Variants in KDM6B observed in about 807,000 individuals in gnomAD.
The protein encoded by KDM6B is lysine demethylase 6B, also known as lysine-specific demethylase 6B.
In KDM6B, 22 loss-of-function variants were observed where a neutral mutation model predicts 150.4. That is an observed-to-expected ratio of 0.15 (90% confidence interval 0.10 to 0.21). The LOEUF (loss-of-function observed/expected upper bound fraction) is 0.21. KDM6B is among the 10% of genes least tolerant of loss of function. The probability of loss-of-function intolerance (pLI) is 1.00; values close to 1 mark genes in which losing one functional copy is unlikely to be tolerated. For synonymous variants in KDM6B, 1,148 were observed against 921.1 expected, an observed-to-expected ratio of 1.25 and a Z score of -4.46; for missense variants, 1,984 against 2,234.3, an observed-to-expected ratio of 0.89 and a Z score of 2.26.
intron 14 of KDM6B, among the ~76,000 whole-genome samples, 185 bp downstream of exon 14, chr17:7,850,362 G>A (rs536464828): frequency 6.6e-6 from 1 of 152,282 alleles, no homozygotes; most frequent in Non-Finnish European, 1.5e-5. Flanking sequence ...AGGGAGAAGG[G>A]GCCATAGTCA....
rs752267810 is a variant in KDM6B at position 7,846,658 on chromosome 17, C to T, written c.629C>T (p.Pro210Leu). 8.7e-6 allele frequency: 14 copies of T among 1,614,022 alleles called. No homozygotes were observed. The African/African-American group carries it at 1.6e-4, about 18-fold the overall frequency. The change falls in exon 9 of 24, where the codon CCT becomes CTT. Residue 210 changes from proline (P) to leucine (L), a missense_variant. Around this residue, in one of 13 missense-constraint regions of KDM6B, gnomAD observed 337 missense variants for 323.9 expected, o/e 1.04. Transcript: ENST00000448097. ...AAEPPVVQPVPPAALSGPSGE... is the reference protein window; with the variant it reads ...AAEPPVVQPVLPAALSGPSGE... ...GAACCCCCAGTGGTGCAGCCTGTGC[C>T]TCCTGCAGCACTCTCAGGCCCCTCA...
At chr17:7,834,891 C>T (rs1216348739) in intron 1 of KDM6B, among the ~76,000 whole-genome samples, 1 of 152,098 alleles carries the variant, frequency 6.6e-6, no homozygotes, top group Non-Finnish European at 1.5e-5. Context: ...CCCTGCGCCT[C>T]CCTTTCACTC....
intron 1 of KDM6B, among the ~76,000 whole-genome samples, chr17:7,836,381 G>A (rs922715778): frequency 1.3e-5 from 2 of 152,170 alleles, no homozygotes. Context: ...TCCTCTCGCC[G>A]TGTCCTGGTT....
chr17:7,847,923 TCCC>T lies in KDM6B; in HGVS notation c.1638_1640del (p.Pro547del). The T allele has an allele frequency of 7.1e-7, 1 of 1,412,494 alleles. No individual in the cohort carries two copies. The highest frequency in any genetic ancestry group is 9.4e-7 in the Non-Finnish European group (1 of 1,066,450). The allele number at this position is 1,412,494 out of a possible 1,614,324, so 87.5% of individuals were successfully genotyped here. On this transcript the variant is annotated inframe_deletion, in exon 12 of 24. Coordinates refer to ENST00000448097, the MANE Select transcript of KDM6B (RefSeq NM_001348716.2). ...CTCAGGATTCTCACACCCCTCCCAC[TCCC>T]CCAACCCCAACCACCAGCAGTAGCA... is the stretch of plus-strand genomic sequence containing the variant.
chr17:7,849,230 A>G lies in KDM6B; in HGVS notation c.2942A>G (p.Lys981Arg), dbSNP rs2078638701. Residue 981 changes from lysine to arginine, a missense_variant, in exon 12 of 24, where the codon AAG (lysine) becomes AGG (arginine). Lys to Arg is a conservative substitution (Grantham distance 26). This residue lies in a region of KDM6B where 1,379 missense variants were observed against 1,275.6 expected (regional missense o/e 1.08). Coordinates refer to ENST00000448097, the MANE Select transcript of KDM6B (RefSeq NM_001348716.2). ...AAGCGGCGACAGAAGGAGCATCAGA[A>G]GGAGCATCGGCGGCACAGGCGGGCC... ...SCKRRQKEHQ[K>R]EHRRHRRACK... is the part of the protein sequence containing the mutation. The G allele has an allele frequency of 5.7e-6, 9 of 1,582,168 alleles. No individual in the cohort carries two copies. In the East Asian group the frequency reaches 1.9e-4, roughly 33 times the overall value.
intron 21 of KDM6B, 108 bp from the exon 22 acceptor site, chr17:7,852,892 G>T: frequency 1.4e-6 from 2 of 1,468,862 alleles, no homozygotes; most frequent in Non-Finnish European, 1.9e-6. Flanking sequence ...GAAGCGGGGA[G>T]GCCCCTAGGG....
rs1423768216 is a variant in KDM6B at position 7,851,007 on chromosome 17, G to T, written c.3674-14G>T. The T allele has an allele frequency of 6.3e-7, 1 of 1,588,380 alleles. No homozygotes were observed. ...TGCCTCTGCCCCGACACCCTGCTCGGCCCTCCCTTCCAGACTTGGGCCTCT... is the reference window on the plus strand; with the variant it reads ...TGCCTCTGCCCCGACACCCTGCTCGTCCCTCCCTTCCAGACTTGGGCCTCT... On this transcript the variant is annotated splice_polypyrimidine_tract_variant and intron_variant, in intron 14 of 23. Coordinates refer to ENST00000448097, the MANE Select transcript of KDM6B (RefSeq NM_001348716.2).
chr17:7,835,768 G>C (rs374497586), intron 1 of KDM6B, among the ~76,000 whole-genome samples: 1 of 127,634 alleles, frequency 7.8e-6, no homozygotes, highest in African/African-American at 3.0e-5. Flanking sequence ...TGCGCCGCAC[G>C]CGCCCGAGCA....
In KDM6B at chr17:7,848,540, TCACCACCAC is replaced by T. The variant is rs59627144; in HGVS notation, c.2277_2285del (p.Thr760_Thr762del). On this transcript the variant is annotated inframe_deletion, in exon 12 of 24. Coordinates refer to ENST00000448097, the MANE Select transcript of KDM6B (RefSeq NM_001348716.2). ...ACCACTACTGCTCCTGCTGTCGCCG[TCACCACCAC>T]CACCACCACCACCACCACCACCACG... The T allele has an allele frequency of 5.8e-4, 912 of 1,570,300 alleles. 1 individual carries two copies. Among genetic ancestry groups the T allele is most frequent in the Admixed American group, 2.0e-3 (113 of 56,210 alleles).
Position 7,849,727 on chromosome 17 carries a change from A to C in KDM6B, c.3439A>C (p.Arg1147=). ...TGCTGCTGACGTCGTGCGCGCCAGC[A>C]GGTGAGTCGGCTGCCTGCTTGCTTG... is the stretch of plus-strand genomic sequence containing the variant. ...HCAADVVRAS[R]NAKVKGKFRE... Residue 1147 remains arginine, a splice_region_variant and synonymous_variant, in exon 12 of 24, where the codon AGG becomes CGG. Coordinates refer to ENST00000448097, the MANE Select transcript of KDM6B (RefSeq NM_001348716.2). 1 of 1,612,376 alleles carries C rather than the reference A, an allele frequency of 6.2e-7. No individual in the cohort carries two copies. Among genetic ancestry groups the C allele is most frequent in the South Asian group, 1.1e-5 (1 of 91,088 alleles).
chr17:7,851,563 A>C lies in KDM6B; in HGVS notation c.4016+14A>C. The C allele has an allele frequency of 6.2e-7, 1 of 1,613,442 alleles. No individual in the cohort carries two copies. On this transcript the variant is annotated intron_variant, in intron 17 of 23. Coordinates refer to ENST00000448097, the MANE Select transcript of KDM6B (RefSeq NM_001348716.2). Reference sequence around the variant, plus strand: ...TGATGCTAAGCGGTCAGTGGGGCTGAGGCCAGGGAAGTTGGGGCAGGAGTG... The same window carrying C: ...TGATGCTAAGCGGTCAGTGGGGCTGCGGCCAGGGAAGTTGGGGCAGGAGTG...
chr17:7,839,255 T>G (rs2078379344), intron 1 of KDM6B, among the ~76,000 whole-genome samples: 1 of 151,914 alleles, frequency 6.6e-6, no homozygotes, highest in Non-Finnish European at 1.5e-5. Context: ...TTAGGCCACA[T>G]AAGAGGAAGG....
intron 12 of KDM6B, 34 bp downstream of exon 12, chr17:7,849,762 C>T (rs1431101973): frequency 6.2e-7 from 1 of 1,612,768 alleles, no homozygotes; most frequent in South Asian, 1.1e-5. Context: ...GTCCCGGAGA[C>T]AGGCTCCCTT....
chr17:7,852,294 G>A lies in KDM6B; in HGVS notation c.4426G>A (p.Gly1476Ser). ...GACTGTGCACTGGGTGCAGGCCACC[G>A]GCTGGTGCAACAACATTGCCTGGAA... ...AGTVHWVQAT[G>S]WCNNIAWNVG... The change falls in exon 20 of 24, where the codon GGC (glycine) becomes AGC (serine). Residue 1476 changes from glycine to serine, a missense_variant. Transcript: ENST00000448097. The A allele has an allele frequency of 6.2e-7, 1 of 1,613,678 alleles. No individual in the cohort carries two copies. The highest frequency in any genetic ancestry group is 8.5e-7 in the Non-Finnish European group (1 of 1,180,016).
In KDM6B at chr17:7,846,859, T is replaced by TACCACCCCC; in HGVS notation, c.758_759insCCCACCACC (p.Pro262_Pro264dup). On this transcript the variant is annotated inframe_insertion, in exon 10 of 24. Transcript: ENST00000448097. ...GGGCTGCCACTGCCTCCACCACCATTACCACCACCACCACCACCACCACCA... is the reference window on the plus strand; with the variant it reads ...GGGCTGCCACTGCCTCCACCACCATTACCACCCCCACCACCACCACCACCACCACCACCA... 1 of 1,214,734 alleles carries TACCACCCCC rather than the reference T, an allele frequency of 8.2e-7. No individual in the cohort carries two copies. Among genetic ancestry groups the TACCACCCCC allele is most frequent in the Non-Finnish European group, 1.1e-6 (1 of 870,084 alleles). 75.2% of individuals were successfully genotyped at this position (1,214,734 alleles called of 1,614,324 possible).
chr17:7,854,752 T>G lies in KDM6B; in HGVS notation c.*1231T>G. The G allele has an allele frequency of 1.5e-5, 4 of 273,530 alleles. No individual in the cohort carries two copies. The highest frequency in any genetic ancestry group is 8.6e-5 in the East Asian group (1 of 11,638). 16.9% of individuals were successfully genotyped at this position (273,530 alleles called of 1,614,324 possible). On this transcript the variant is annotated 3_prime_UTR_variant, in exon 24 of 24. Transcript: ENST00000448097. The stretch of plus-strand genomic sequence containing the variant: ...CAACCCTACCCCTATTTTCGGTGAT[T>G]TTTGTGTGAGAATATTAATATTAAA...
At position 7,848,178 on chromosome 17, in the gene KDM6B, C is replaced by A; in HGVS notation, c.1890C>A (p.Pro630=). The A allele has an allele frequency of 6.2e-7, 1 of 1,612,622 alleles. No homozygotes were observed. The highest frequency in any genetic ancestry group is 8.5e-7 in the Non-Finnish European group (1 of 1,179,854). The part of the protein sequence containing the change: ...GSFRRPESPR[P]RVSFPKTPEV... Reference sequence around the variant, plus strand: ...TCAGGCGCCCGGAGAGCCCCCGGCCCAGGGTCTCCTTCCCAAAGACCCCCG... The same window carrying A: ...TCAGGCGCCCGGAGAGCCCCCGGCCAAGGGTCTCCTTCCCAAAGACCCCCG... Residue 630 remains proline, a synonymous_variant, in exon 12 of 24, where the codon CCC becomes CCA. Transcript: ENST00000448097.
rs373818557 is a variant in KDM6B, at chr17:7,848,846, C to T, written c.2558C>T (p.Ala853Val). The T allele has an allele frequency of 6.8e-6, 11 of 1,611,886 alleles. No individual in the cohort carries two copies. The highest frequency in any genetic ancestry group is 6.7e-5 in the Admixed American group (4 of 59,970). Residue 853 changes from alanine (A) to valine (V), a missense_variant, in exon 12 of 24, where the codon GCG becomes GTG. By Grantham distance (64) the Ala-to-Val change is moderately conservative. This residue lies in a region of KDM6B where 1,379 missense variants were observed against 1,275.6 expected (regional missense o/e 1.08). Transcript: ENST00000448097. ...SGATALPPTS[A>V]APSAQGSPQP... Reference sequence around the variant, plus strand: ...GCTACCGCCCTGCCGCCCACCTCAGCGGCCCCTAGCGCCCAGGGCTCCCCA... The same window carrying T: ...GCTACCGCCCTGCCGCCCACCTCAGTGGCCCCTAGCGCCCAGGGCTCCCCA...
At position 7,846,449 on chromosome 17, in the gene KDM6B, T is replaced by G; in HGVS notation, c.506T>G (p.Val169Gly). The G allele has an allele frequency of 1.9e-6, 3 of 1,576,984 alleles. No homozygotes were observed. The highest frequency in any genetic ancestry group is 8.6e-7 in the Non-Finnish European group (1 of 1,162,012). Residue 169 changes from valine (V) to glycine (G), a missense_variant, in exon 8 of 24, where the codon GTC becomes GGC. Around this residue, in one of 13 missense-constraint regions of KDM6B, gnomAD observed 337 missense variants for 323.9 expected, o/e 1.04. Coordinates refer to ENST00000448097, the MANE Select transcript of KDM6B (RefSeq NM_001348716.2). ...HTGSCQHRAK[V>G]LPPLEQVWNL... ...GGCTCCTGCCAGCACCGAGCCAAGG[T>G]CCTGCCCCCACTGGAGCAAGTGTGG...
Sources: gnomAD v4.1 joint callset for allele counts (sites outside exome capture counted in the v4.1 genomes callset) on GRCh38, gnomAD v4.1.1 for gene constraint, gnomAD v4.1.1 regional missense constraint, MANE v1.5 for transcripts, NCBI Gene and HGNC (gene_info 2026-07-23, HGNC 2026-07-21) for gene names.